Variants in COL4A1 observed in about 807,000 individuals in gnomAD.
COL4A1 encodes collagen type IV alpha 1 chain.
A neutral mutation model predicts 216.6 loss-of-function variants in COL4A1; 40 were observed. The observed-to-expected ratio is 0.18, with a 90% CI of 0.14 to 0.24. The LOEUF (loss-of-function observed/expected upper bound fraction) is 0.24, where lower values mean the gene tolerates loss of function less well. Ranked by LOEUF, COL4A1 falls within the 10% of genes least tolerant of loss-of-function variation. COL4A1 has a pLI of 1.00. For synonymous variants in COL4A1, 839 were observed against 810.7 expected (o/e 1.03, Z -0.59); for missense variants, 1,628 against 2,196.8 (o/e 0.74, Z 5.18).
intron 49 of COL4A1, among the ~76,000 whole-genome samples, chr13:110,158,330 T>TGGTC (rs1876890326): frequency 6.6e-6 from 1 of 152,256 alleles, no homozygotes; most frequent in Non-Finnish European, 1.5e-5. Flanking sequence ...TCCAGCCCTC[T>TGGTC]GGTCCATGGT....
At chr13:110,200,256 G>A (rs1879123755) in intron 20 of COL4A1, among the ~76,000 whole-genome samples, 2 of 152,226 alleles carry the variant, frequency 1.3e-5, no homozygotes, top group Admixed American at 6.5e-5. Context: ...GTGCATCTGC[G>A]CATATGGACA....
intron 22 of COL4A1, among the ~76,000 whole-genome samples, chr13:110,193,936 T>C (rs1566363953): frequency 6.6e-6 from 1 of 152,140 alleles, no homozygotes; most frequent in African/African-American, 2.4e-5. Context: ...ACAAGGTGCA[T>C]TCCCAGCAGA....
At chr13:110,150,554 A>G in intron 51 of COL4A1, 110 bp from the exon 52 acceptor site, 2 of 1,107,456 alleles carry the variant, frequency 1.8e-6, no homozygotes, top group South Asian at 2.6e-5. Context: ...AGCCCCTGGC[A>G]TCAGGCCTCA....
intron 1 of COL4A1, among the ~76,000 whole-genome samples, chr13:110,256,323 C>A (rs1882568440): frequency 6.6e-6 from 1 of 152,144 alleles, no homozygotes; most frequent in Admixed American, 6.5e-5. Context: ...TTGCAACAAA[C>A]CTACAAGATG....
intron 47 of COL4A1, 111 bp downstream of exon 47, chr13:110,163,351 CT>C: frequency 1.2e-6 from 1 of 861,654 alleles, no homozygotes; most frequent in Middle Eastern, 2.1e-4. Context: ...CTTCGGAAAT[CT>C]GTCAAGTGAT....
intron 26 of COL4A1, among the ~76,000 whole-genome samples, chr13:110,185,624 G>A (rs1878367494): frequency 6.6e-6 from 1 of 152,162 alleles, no homozygotes; most frequent in Admixed American, 6.5e-5. Context: ...GATTTTCTAG[G>A]GAAGAACAGG....
chr13:110,169,704 G>T lies in COL4A1; in HGVS notation c.3801C>A (p.Asp1267Glu), dbSNP rs769391020. 3 of 1,614,076 alleles carry T rather than the reference G, an allele frequency of 1.9e-6. No homozygotes were observed. The highest frequency in any genetic ancestry group is 1.1e-5 in the South Asian group (1 of 91,078). The part of the protein sequence containing the change: ...GLPGIDGVKG[D>E]KGNPGWPGAP... ...CTCCTGGCCAGCCTGGATTTCCTTTGTCACCTTTAACTCCATCAATCCCAG... is the reference window on the plus strand; with the variant it reads ...CTCCTGGCCAGCCTGGATTTCCTTTTTCACCTTTAACTCCATCAATCCCAG... Residue 1267 changes from aspartate (D) to glutamate (E), a missense_variant, in exon 43 of 52, where the codon GAC (aspartate) becomes GAA (glutamate). Transcript: ENST00000375820.
chr13:110,184,680 CTGTGTGTGTG>C (rs35682248), intron 26 of COL4A1, among the ~76,000 whole-genome samples: 3 of 150,056 alleles, frequency 2.0e-5, no homozygotes, highest in African/African-American at 4.9e-5. Flanking sequence ...AGGAACTGGA[CTGTGTGTGTG>C]TGTGTGTGTG....
At position 110,149,347 on chromosome 13, in the gene COL4A1, G is replaced by A. The variant is rs2138414453; in HGVS notation, c.*1016C>T. On this transcript the variant is annotated 3_prime_UTR_variant, in exon 52 of 52. Coordinates refer to ENST00000375820, the MANE Select transcript of COL4A1 (RefSeq NM_001845.6). ...TGTTTTTCAAGCCAGGATGCAGAAT[G>A]AGGAATACTAATGAAATGACGGCCT... 1 of 154,924 alleles carries A rather than the reference G, an allele frequency of 6.5e-6. No homozygotes were observed. The highest frequency in any genetic ancestry group is 2.0e-4 in the South Asian group (1 of 4,924). 9.6% of individuals were successfully genotyped at this position (154,924 alleles called of 1,614,324 possible).
chr13:110,156,428 G>T (rs1400843333), intron 49 of COL4A1, among the ~76,000 whole-genome samples: 1 of 152,168 alleles, frequency 6.6e-6, no homozygotes, highest in East Asian at 1.9e-4. Flanking sequence ...ATGTCCACAT[G>T]GGCCTCCTGC....
At chr13:110,236,198 G>A (rs544472609) in intron 2 of COL4A1, among the ~76,000 whole-genome samples, 2 of 152,258 alleles carry the variant, frequency 1.3e-5, no homozygotes, top group African/African-American at 4.8e-5. Context: ...TCCTTATCAC[G>A]TAGACATTGC....
At chr13:110,151,545 G>A (rs1257398680) in intron 51 of COL4A1, among the ~76,000 whole-genome samples, 1 of 152,176 alleles carries the variant, frequency 6.6e-6, no homozygotes, top group Non-Finnish European at 1.5e-5. Context: ...TATCTAAGCT[G>A]GAAAGAGACA....
At chr13:110,296,067 A>C (rs750897329) in intron 1 of COL4A1, among the ~76,000 whole-genome samples, 3 of 152,202 alleles carry the variant, frequency 2.0e-5, no homozygotes, top group Non-Finnish European at 4.4e-5. Context: ...CCCATTTTGC[A>C]CTCTGCCCTA....
intron 50 of COL4A1, among the ~76,000 whole-genome samples, chr13:110,152,981 C>A (rs1876580590): frequency 6.6e-6 from 1 of 151,782 alleles, no homozygotes; most frequent in South Asian, 2.1e-4. Context: ...AATTTTTTTT[C>A]TTTAAAAAGA....
chr13:110,245,512 T>C (rs1441867189), intron 1 of COL4A1, among the ~76,000 whole-genome samples: 1 of 152,186 alleles, frequency 6.6e-6, no homozygotes, highest in Non-Finnish European at 1.5e-5. Flanking sequence ...GATTTTCGAC[T>C]TGTGAGTCAA....
chr13:110,241,503 G>A (rs1341510377), intron 2 of COL4A1, among the ~76,000 whole-genome samples: 1 of 152,182 alleles, frequency 6.6e-6, no homozygotes, highest in Non-Finnish European at 1.5e-5. Context: ...CAAAATGTCT[G>A]TGGCATGAGA....
At chr13:110,224,608 C>T (rs1880653028) in intron 2 of COL4A1, among the ~76,000 whole-genome samples, 2 of 152,210 alleles carry the variant, frequency 1.3e-5, no homozygotes, top group Admixed American at 1.3e-4. Context: ...CAGGTGTGAG[C>T]CAACGCTCCT....
At position 110,253,357 on chromosome 13, in the gene COL4A1, T is replaced by C. The variant is rs530561694; in HGVS notation, c.85-10623A>G. ...TGTATTACATATACATATAATTATA[T>C]GTATTACATATACATATAATTATAT... On this transcript the variant is annotated intron_variant, in intron 1 of 51. Coordinates refer to ENST00000375820, the MANE Select transcript of COL4A1 (RefSeq NM_001845.6). Among the ~76,000 whole-genome samples the C allele has an allele frequency of 1.7e-3, 53 of 32,092 alleles. 7 individuals are homozygous for C. Among genetic ancestry groups the C allele is most frequent in the African/African-American group, 4.2e-3 (40 of 9,474 alleles). 21.1% of individuals were successfully genotyped at this position (32,092 alleles called of 152,430 possible).
intron 2 of COL4A1, among the ~76,000 whole-genome samples, chr13:110,219,652 A>ATATATATGTGTGTATATATATATATGTG (rs1594593274): frequency 1.8e-5 from 2 of 113,344 alleles, no homozygotes; most frequent in African/African-American, 3.5e-5. Context: ...TTGAAAATAT[A>ATATATATGTGTGTATATATATATATGTG]TATATATATG....
Sources: gnomAD v4.1 joint callset for allele counts (sites outside exome capture counted in the v4.1 genomes callset) on GRCh38, gnomAD v4.1.1 for gene constraint, MANE v1.5 for transcripts, NCBI Gene and HGNC (gene_info 2026-07-23, HGNC 2026-07-21) for gene names.